Variants in TCF12 observed in about 807,000 individuals in gnomAD.
TCF12 encodes DNA-binding protein HTF4.
In TCF12, 45 loss-of-function variants were observed where a neutral mutation model predicts 86.0. That is an observed-to-expected ratio of 0.52 (90% CI 0.41 to 0.67). TCF12 has a LOEUF of 0.67. TCF12 is among the 30% of genes least tolerant of loss of function. TCF12 has a pLI of 0.00. For synonymous variants in TCF12, 330 were observed against 299.6 expected, an observed-to-expected ratio of 1.10 and a Z score of -1.05; for missense variants, 881 against 859.9, an observed-to-expected ratio of 1.02 and a Z score of -0.31.
chr15:56,980,148 C>G (rs2062820634), intron 3 of TCF12, among the ~76,000 whole-genome samples: 1 of 152,060 alleles, frequency 6.6e-6, no homozygotes, highest in Non-Finnish European at 1.5e-5. Context: ...TTCTTGAGGC[C>G]AGGAGTTGGA....
At chr15:56,932,212 G>C (rs1221494312) in intron 3 of TCF12, among the ~76,000 whole-genome samples, 1 of 152,184 alleles carries the variant, frequency 6.6e-6, no homozygotes, top group African/African-American at 2.4e-5. Flanking sequence ...TGATAAGAGT[G>C]CTTCATAAAT....
At chr15:57,035,892 C>T (rs2066476974) in intron 3 of TCF12, among the ~76,000 whole-genome samples, 1 of 152,138 alleles carries the variant, frequency 6.6e-6, no homozygotes, top group Non-Finnish European at 1.5e-5. Flanking sequence ...CTCCTGAGCT[C>T]CACCTCCCAG....
At chr15:57,007,852 C>CCCTCCCTT (rs1265094460) in intron 3 of TCF12, among the ~76,000 whole-genome samples, 7 of 101,178 alleles carry the variant, frequency 6.9e-5, no homozygotes, top group Admixed American at 2.2e-4. Context: ...CTCTTTCCCT[C>CCCTCCCTT]CCTTCCTTCC....
At position 56,950,930 on chromosome 15, in the gene TCF12, G is replaced by A. The variant is rs570620516; in HGVS notation, c.148+29832G>A. ...TACCACCACACCTGGCTAATTTTGT[G>A]TTTTTAGTAGAGATGGGGTTTCTCT... On this transcript the variant is annotated intron_variant, in intron 3 of 20. Coordinates refer to ENST00000333725, the MANE Select transcript of TCF12 (RefSeq NM_207037.2). 1.6e-3 allele frequency among the ~76,000 whole-genome samples: 239 copies of A among 150,916 alleles called. 1 individual carries two copies. Among genetic ancestry groups the A allele is most frequent in the African/African-American group, 5.6e-3 (230 of 41,146 alleles).
intron 5 of TCF12, among the ~76,000 whole-genome samples, chr15:57,142,833 T>G (rs554079888): frequency 1.4e-4 from 21 of 152,282 alleles, no homozygotes; most frequent in African/African-American, 4.6e-4. Flanking sequence ...TGTTACTCTT[T>G]CCAATCTAAT....
chr15:57,269,576 T>G (rs942252030), intron 18 of TCF12, among the ~76,000 whole-genome samples: 1 of 152,120 alleles, frequency 6.6e-6, no homozygotes, highest in South Asian at 2.1e-4. Context: ...AATATTGTTA[T>G]GTGTGAAATT....
intron 3 of TCF12, among the ~76,000 whole-genome samples, chr15:57,013,985 C>T (rs2064996049): frequency 6.6e-6 from 1 of 152,092 alleles, no homozygotes; most frequent in Non-Finnish European, 1.5e-5. Context: ...ACAAAGTACT[C>T]TTAAGTTTCT....
Position 57,243,044 on chromosome 15 carries a change from T to A in TCF12, c.1036-428T>A, listed in dbSNP as rs1463511695. Among the ~76,000 whole-genome samples, 9 of 152,354 alleles carry A rather than the reference T, an allele frequency of 5.9e-5. No homozygotes were observed. The East Asian group carries it at 1.7e-3, about 29-fold the overall frequency. On this transcript the variant is annotated intron_variant, in intron 12 of 20. Transcript: ENST00000333725. ...GGTAACTATTAAAAAGATTATTTTCTTTGTCCAGCCTTTAAACTGTCCATA... is the reference window on the plus strand; with the variant it reads ...GGTAACTATTAAAAAGATTATTTTCATTGTCCAGCCTTTAAACTGTCCATA...
chr15:57,283,755 T>G (rs1420146061), intron 20 of TCF12, among the ~76,000 whole-genome samples: 2 of 152,220 alleles, frequency 1.3e-5, no homozygotes, highest in Non-Finnish European at 2.9e-5. Flanking sequence ...TTTGATAGAT[T>G]GTTTGATAGA....
At chr15:56,967,145 CA>C (rs35618060) in intron 3 of TCF12, among the ~76,000 whole-genome samples, 2,412 of 149,082 alleles carry the variant, frequency 0.016, 52 homozygotes, top group African/African-American at 0.048. Flanking sequence ...CCTCCCCCAC[CA>C]AAAAAAAAAT....
intron 3 of TCF12, among the ~76,000 whole-genome samples, chr15:56,962,677 A>G (rs2061819409): frequency 1.3e-5 from 2 of 152,288 alleles, no homozygotes; most frequent in African/African-American, 4.8e-5. Context: ...TTCTCATTGA[A>G]CAGAAAGAAA....
At chr15:56,942,900 G>A (rs1289476300) in intron 3 of TCF12, among the ~76,000 whole-genome samples, 1 of 152,070 alleles carries the variant, frequency 6.6e-6, no homozygotes, top group South Asian at 2.1e-4. Context: ...TAGGTGACAT[G>A]GGAAGAAAGT....
At chr15:57,019,815 T>C (rs1392601852) in intron 3 of TCF12, among the ~76,000 whole-genome samples, 1 of 152,140 alleles carries the variant, frequency 6.6e-6, no homozygotes, top group East Asian at 1.9e-4. Context: ...CAAAAGACTA[T>C]AGAAACTATG....
intron 13 of TCF12, chr15:57,248,015 T>A (rs752886487): frequency 1.4e-6 from 1 of 711,446 alleles, no homozygotes; most frequent in Non-Finnish European, 2.6e-6. Context: ...TGGCAACGGC[T>A]GCAGTTGGGC....
chr15:57,087,079 C>G (rs2048692152), intron 4 of TCF12, among the ~76,000 whole-genome samples: 1 of 143,470 alleles, frequency 7.0e-6, no homozygotes, highest in African/African-American at 2.8e-5. Context: ...CTCTCTCCCT[C>G]TGTCTCCCTC....
At chr15:57,185,686 C>T (rs1481855143) in intron 6 of TCF12, among the ~76,000 whole-genome samples, 2 of 152,028 alleles carry the variant, frequency 1.3e-5, no homozygotes, top group African/African-American at 4.8e-5. Flanking sequence ...AATTCAAGAC[C>T]AACTGGGGCA....
chr15:57,273,244 C>T lies in TCF12; in HGVS notation c.1960C>T (p.Leu654=). ...TCAAGCCGTGGCAGTCATCCTTAGT[C>T]TAGAACAGCAAGTCAGAGGTAAGTA... is the stretch of plus-strand genomic sequence containing the variant. ...LHQAVAVILS[L]EQQVRERNLN... The change falls in exon 19 of 21, where the codon CTA becomes TTA. Residue 654 remains leucine (L), a synonymous_variant. Transcript: ENST00000333725. 1 of 1,614,120 alleles carries T rather than the reference C, an allele frequency of 6.2e-7. No individual in the cohort carries two copies. Among genetic ancestry groups the T allele is most frequent in the Non-Finnish European group, 8.5e-7 (1 of 1,180,002 alleles).
chr15:57,134,756 AT>A (rs1362740039), intron 5 of TCF12, among the ~76,000 whole-genome samples: 6 of 150,704 alleles, frequency 4.0e-5, no homozygotes, highest in African/African-American at 7.3e-5. Context: ...GATGCCATTA[AT>A]TTTTTTTTTC....
intron 8 of TCF12, among the ~76,000 whole-genome samples, chr15:57,218,405 A>G (rs1436231503): frequency 4.6e-5 from 7 of 152,244 alleles, no homozygotes; most frequent in Non-Finnish European, 8.8e-5. Flanking sequence ...TTAAATAGCA[A>G]AACGTGTCTG....
Sources: allele counts gnomAD v4.1 joint callset (sites outside exome capture counted in the v4.1 genomes callset), GRCh38; gene constraint gnomAD v4.1.1; transcripts MANE v1.5; gene names NCBI Gene and HGNC (gene_info 2026-07-23, HGNC 2026-07-21).